Variants in PRR14 observed in about 807,000 individuals in gnomAD.
PRR14 encodes the protein proline rich 14.
PRR14 carries 33 observed loss-of-function variants against 57.2 expected under a neutral mutation model. The ratio of observed to expected loss-of-function variants is 0.58; its 90% CI spans 0.44 to 0.77. The LOEUF is 0.77. Among genes scored for constraint, PRR14 ranks in the 30% least tolerant of loss-of-function variants. PRR14 has a pLI of 0.00. For synonymous variants in PRR14, 303 were observed against 314.7 expected, an observed-to-expected ratio of 0.96 and a Z score of 0.39; for missense variants, 716 against 788.1, an observed-to-expected ratio of 0.91 and a Z score of 1.10.
rs1007206858 is a variant in PRR14 at position 30,650,982 on chromosome 16, C to T, written c.-196C>T. The T allele has an allele frequency of 4.4e-6, 2 of 455,186 alleles. No homozygotes were observed. Among genetic ancestry groups the T allele is most frequent in the African/African-American group, 4.0e-5 (2 of 50,028 alleles). The allele number at this position is 455,186 out of a possible 1,614,324, so 28.2% of individuals were successfully genotyped here. A position where few individuals can be genotyped will look rare whatever the true frequency, so the allele number is the denominator to read the frequency against. The stretch of plus-strand genomic sequence containing the variant: ...CCCGGGATTGGAGTGAAGAGGGTAT[C>T]TGCTTGACAGTGGATCCCTGGGGAT... On this transcript the variant is annotated 5_prime_UTR_variant, in exon 1 of 12. Transcript: ENST00000300835.
intron 5 of PRR14, 126 bp downstream of exon 5, chr16:30,653,229 C>G: frequency 7.3e-7 from 1 of 1,361,300 alleles, no homozygotes; most frequent in Non-Finnish European, 1.0e-6. Flanking sequence ...AGGCGGCAGA[C>G]ACTGCCTGAG....
rs1305243099 is a variant in PRR14, at chr16:30,655,440, A to G, written c.1314+20A>G. The stretch of plus-strand genomic sequence containing the variant: ...ACCAAGGTAGGCATTCAGATCGGGT[A>G]GAAGAGACTAGTGGGGGCCTGAGCC... On this transcript the variant is annotated intron_variant, in intron 9 of 11. Coordinates refer to ENST00000300835, the MANE Select transcript of PRR14 (RefSeq NM_024031.5). This position sits in a 1 kb window ranked among gnomAD's most constrained non-coding sequence, Gnocchi z 4.6. The G allele has an allele frequency of 6.2e-7, 1 of 1,614,034 alleles. No homozygotes were observed. The highest frequency in any genetic ancestry group is 2.2e-5 in the East Asian group (1 of 44,886).
At chr16:30,650,795 C>A, upstream of PRR14, 1 of 237,046 alleles carries the variant, frequency 4.2e-6, no homozygotes, top group Admixed American at 4.5e-5. Context: ...CCGGGATCCA[C>A]GGGAGGCGGC....
chr16:30,655,874 C>T lies in PRR14; in HGVS notation c.1413C>T (p.Asn471=), dbSNP rs1567539991. 2 of 1,614,124 alleles carry T rather than the reference C, an allele frequency of 1.2e-6. No individual in the cohort carries two copies. Among genetic ancestry groups the T allele is most frequent in the Admixed American group, 1.7e-5 (1 of 60,022 alleles). Residue 471 remains asparagine, a synonymous_variant, in exon 11 of 12, where the codon AAC becomes AAT. Transcript: ENST00000300835. This position sits in a 1 kb window ranked among gnomAD's most constrained non-coding sequence, Gnocchi z 4.6. ...CTCTGCTCTTTGCTCACAGGTTGAA[C>T]AAGAAGGAGTTCAGCTTGGAAGAAA... The part of the protein sequence containing the change: ...PMGLPRPIRL[N]KKEFSLEEIY...
At chr16:30,652,420 C>T (rs534210423) in intron 3 of PRR14, 1 of 559,040 alleles carries the variant, frequency 1.8e-6, no homozygotes, top group African/African-American at 1.9e-5. Context: ...AGGTCTTTGA[C>T]TCCACTGCAC....
At chr16:30,652,518 A>G in intron 3 of PRR14, 2 of 644,248 alleles carry the variant, frequency 3.1e-6, no homozygotes, top group East Asian at 5.4e-5. Flanking sequence ...GGATGAGATT[A>G]CCCAGGTCCT....
rs770081351 is a variant in PRR14 at position 30,652,973 on chromosome 16, C to G, written c.374C>G (p.Ser125Cys). 3 of 1,614,176 alleles carry G rather than the reference C, an allele frequency of 1.9e-6. No homozygotes were observed. The South Asian group carries it at 3.3e-5, about 18-fold the overall frequency. Residue 125 changes from serine to cysteine, a missense_variant, in exon 5 of 12, where the codon TCC (serine) becomes TGC (cysteine). Physicochemically the swap from Ser to Cys is moderately radical, Grantham distance 112. Coordinates refer to ENST00000300835, the MANE Select transcript of PRR14 (RefSeq NM_024031.5). ...EPLSRIHRTS[S>C]TLRRRSRTTP... The stretch of plus-strand genomic sequence containing the variant: ...TTGAGCCGCATCCACCGGACCTCTT[C>G]CACCCTGAGGCGGCGATCAAGGACA...
Position 30,655,171 on chromosome 16 carries a change from T to C in PRR14, c.1201T>C (p.Ser401Pro). ...CTCCCCTTCTCTCACCACATCTTGC[T>C]CGTCCACGGCATCCACTTCCTTCTC... ...GASPSLTTSC[S>P]STASTSFSEP... Residue 401 changes from serine (S) to proline (P), a missense_variant, in exon 8 of 12, where the codon TCG (serine) becomes CCG (proline). Transcript: ENST00000300835. The surrounding 1 kb of genome is among the most constrained non-coding windows in gnomAD (Gnocchi z 4.6). 6.2e-7 allele frequency: 1 copy of C among 1,602,162 alleles called. No homozygotes were observed. The highest frequency in any genetic ancestry group is 8.5e-7 in the Non-Finnish European group (1 of 1,173,736).
rs370509483 is a variant in PRR14 at position 30,654,805 on chromosome 16, C to T, written c.835C>T (p.Pro279Ser). ...KTPQPPPPSPPMKLELKIAIS... is the reference protein window; with the variant it reads ...KTPQPPPPSPSMKLELKIAIS... Reference sequence around the variant, plus strand: ...CCCACAGCCCCCACCCCCGTCCCCCCCAATGAAGCTGGAGTTGAAGATCGC... The same window carrying T: ...CCCACAGCCCCCACCCCCGTCCCCCTCAATGAAGCTGGAGTTGAAGATCGC... Residue 279 changes from proline to serine, a missense_variant, in exon 8 of 12, where the codon CCA becomes TCA. Physicochemically the swap from Pro to Ser is moderately conservative, Grantham distance 74 (BLOSUM62 -1). Coordinates refer to ENST00000300835, the MANE Select transcript of PRR14 (RefSeq NM_024031.5). 466 of 1,602,590 alleles carry T rather than the reference C, an allele frequency of 2.9e-4. 1 individual carries two copies. The highest frequency in any genetic ancestry group is 5.0e-4 in the South Asian group (45 of 90,780).
chr16:30,656,010 C>T (rs1215964077), intron 11 of PRR14, 22 bp from the exon 12 acceptor site: 2 of 1,589,502 alleles, frequency 1.3e-6, no homozygotes, highest in South Asian at 2.3e-5. Context: ...ATAAAACCAG[C>T]TCCTCTCCCT....
intron 3 of PRR14, 163 bp downstream of exon 3, chr16:30,652,127 T>A: frequency 1.3e-6 from 1 of 777,480 alleles, no homozygotes; most frequent in African/African-American, 1.7e-5. Flanking sequence ...GGCTCCCACT[T>A]ACTCCAACCT....
chr16:30,653,157 T>C (rs2052331219), intron 5 of PRR14, 54 bp downstream of exon 5: 3 of 1,524,252 alleles, frequency 2.0e-6, no homozygotes, highest in Non-Finnish European at 2.7e-6. Context: ...CCAGCAGGGA[T>C]AGAAGGGTAG....
In PRR14 at chr16:30,655,693, C is replaced by G. The variant is rs1218459524; in HGVS notation, c.1406+100C>G. 2 of 1,336,020 alleles carry G rather than the reference C, an allele frequency of 1.5e-6. No homozygotes were observed. The highest frequency in any genetic ancestry group is 2.9e-5 in the African/African-American group (2 of 69,196). The allele number at this position is 1,336,020 out of a possible 1,614,324, so 82.8% of individuals were successfully genotyped here. ...TCTCCCCTCAGGGAGCACAGTCCAGCCTGAAAGATTCAATTCGGTGTGGGG... is the reference window on the plus strand; with the variant it reads ...TCTCCCCTCAGGGAGCACAGTCCAGGCTGAAAGATTCAATTCGGTGTGGGG... On this transcript the variant is annotated intron_variant, in intron 10 of 11. Coordinates refer to ENST00000300835, the MANE Select transcript of PRR14 (RefSeq NM_024031.5). The surrounding 1 kb of genome is among the most constrained non-coding windows in gnomAD (Gnocchi z 4.6).
chr16:30,656,135 C>T lies in PRR14; in HGVS notation c.1582C>T (p.Leu528Phe), dbSNP rs746676654. Residue 528 changes from leucine to phenylalanine, a missense_variant, in exon 12 of 12, where the codon CTT becomes TTT. Physicochemically the swap from Leu to Phe is conservative, Grantham distance 22 (BLOSUM62 0). Transcript: ENST00000300835. ...RRAVEFRDSSLPRSRRPSRGV... is the reference protein window; with the variant it reads ...RRAVEFRDSSFPRSRRPSRGV... ...GGCTGTGGAATTTCGGGACAGCAGC[C>T]TTCCTCGATCACGAAGACCGTCCCG... 1 of 1,578,472 alleles carries T rather than the reference C, an allele frequency of 6.3e-7. No individual in the cohort carries two copies. The highest frequency in any genetic ancestry group is 8.6e-7 in the Non-Finnish European group (1 of 1,163,956).
Position 30,656,260 on chromosome 16 carries a change from C to G in PRR14, c.1707C>G (p.Ala569=). Residue 569 remains alanine, a synonymous_variant, in exon 12 of 12, where the codon GCC becomes GCG. Transcript: ENST00000300835. The part of the protein sequence containing the change: ...LLQQRLEELD[A]LLLEEETVDR... Reference sequence around the variant, plus strand: ...AGCAGCGGCTGGAGGAGCTAGATGCCTTGCTCCTGGAGGAAGAAACAGTAG... The same window carrying G: ...AGCAGCGGCTGGAGGAGCTAGATGCGTTGCTCCTGGAGGAAGAAACAGTAG... 8.1e-6 allele frequency: 13 copies of G among 1,613,098 alleles called. No homozygotes were observed. Among genetic ancestry groups the G allele is most frequent in the Non-Finnish European group, 9.3e-6 (11 of 1,179,974 alleles).
In PRR14 at chr16:30,655,740, C is replaced by T. The variant is rs756632267; in HGVS notation, c.1407-128C>T. 3.8e-6 allele frequency: 5 copies of T among 1,305,776 alleles called. No individual in the cohort carries two copies. Among genetic ancestry groups the T allele is most frequent in the Non-Finnish European group, 5.5e-6 (5 of 903,804 alleles). The allele number at this position is 1,305,776 out of a possible 1,614,324, so 80.9% of individuals were successfully genotyped here. On this transcript the variant is annotated intron_variant, in intron 10 of 11. Transcript: ENST00000300835. The surrounding 1 kb of genome is among the most constrained non-coding windows in gnomAD (Gnocchi z 4.6). ...GGGGATGGTTTGTGCTCAAAATTGC[C>T]TGTCTGCCTTATGTAGCACTCCTGG...
chr16:30,654,826 A>G lies in PRR14; in HGVS notation c.856A>G (p.Ile286Val). The stretch of plus-strand genomic sequence containing the variant: ...CCCCCCAATGAAGCTGGAGTTGAAG[A>G]TCGCCATCTCAGAGGCCGAGCAGTC... ...PSPPMKLELK[I>V]AISEAEQSGA... The change falls in exon 8 of 12, where the codon ATC becomes GTC. Residue 286 changes from isoleucine (I) to valine (V), a missense_variant. By Grantham distance (29) the Ile-to-Val change is conservative. Coordinates refer to ENST00000300835, the MANE Select transcript of PRR14 (RefSeq NM_024031.5). The G allele has an allele frequency of 7.1e-7, 1 of 1,399,734 alleles. No homozygotes were observed. Among genetic ancestry groups the G allele is most frequent in the Non-Finnish European group, 9.6e-7 (1 of 1,042,874 alleles). 86.7% of individuals were successfully genotyped at this position (1,399,734 alleles called of 1,614,324 possible). A position where few individuals can be genotyped will look rare whatever the true frequency, so the allele number is the denominator to read the frequency against.
Position 30,651,616 on chromosome 16 carries a change from A to G in PRR14, c.-30A>G, listed in dbSNP as rs1430675352. On this transcript the variant is annotated 5_prime_UTR_variant, in exon 2 of 12. Transcript: ENST00000300835. The surrounding 1 kb of genome is among the most constrained non-coding windows in gnomAD (Gnocchi z 5.0). ...CCCAGGCCGCAGCCTGGGATTCCCC[A>G]GGGACCCCCCCGGAGCCGCCGCGTC... The G allele has an allele frequency of 8.9e-7, 1 of 1,127,858 alleles. No individual in the cohort carries two copies. The highest frequency in any genetic ancestry group is 6.8e-5 in the East Asian group (1 of 14,786). 69.9% of individuals were successfully genotyped at this position (1,127,858 alleles called of 1,614,324 possible). A position where few individuals can be genotyped will look rare whatever the true frequency, so the allele number is the denominator to read the frequency against.
Position 30,651,122 on chromosome 16 carries a change from C to G in PRR14, c.-56C>G, listed in dbSNP as rs1037657606. 1 of 449,518 alleles carries G rather than the reference C, an allele frequency of 2.2e-6. No individual in the cohort carries two copies. The highest frequency in any genetic ancestry group is 2.4e-5 in the Admixed American group (1 of 42,322). 27.8% of individuals were successfully genotyped at this position (449,518 alleles called of 1,614,324 possible). A position where few individuals can be genotyped will look rare whatever the true frequency, so the allele number is the denominator to read the frequency against. Reference sequence around the variant, plus strand: ...TCGCCCGGCGTCTGATTGGCGGAACCGCGCTGTAGGATTCTTTCCTCAGGG... The same window carrying G: ...TCGCCCGGCGTCTGATTGGCGGAACGGCGCTGTAGGATTCTTTCCTCAGGG... On this transcript the variant is annotated 5_prime_UTR_variant, in exon 1 of 12. Transcript: ENST00000300835. The surrounding 1 kb of genome is among the most constrained non-coding windows in gnomAD (Gnocchi z 5.0).
Sources: gnomAD v4.1 joint callset for allele counts on GRCh38, gnomAD v4.1.1 for gene constraint, Gnocchi (gnomAD v3.1) non-coding constraint, MANE v1.5 for transcripts, NCBI Gene and HGNC (gene_info 2026-07-23, HGNC 2026-07-21) for gene names.